TMC3: variants seen among roughly 807,000 people sequenced by gnomAD.
TMC3 encodes transmembrane channel like 3.
In TMC3, 98 loss-of-function variants were observed where a neutral mutation model predicts 110.6. The ratio of observed to expected loss-of-function variants is 0.89; its 90% confidence interval spans 0.75 to 1.05. The LOEUF (loss-of-function observed/expected upper bound fraction) is 1.05. Ranked by LOEUF, TMC3 falls within the 50% of genes least tolerant of loss-of-function variation. TMC3 has a pLI of 0.00. For missense variants in TMC3, 1,319 were observed against 1,373.2 expected, an observed-to-expected ratio of 0.96 and a Z score of 0.62; for synonymous variants, 489 against 513.1, an observed-to-expected ratio of 0.95 and a Z score of 0.63.
chr15:81,364,116 C>T (rs1434435490), intron 3 of TMC3, among the ~76,000 whole-genome samples: 2 of 151,460 alleles, frequency 1.3e-5, no homozygotes, highest in Non-Finnish European at 2.9e-5. Context: ...AATTTTCATA[C>T]ATGCAATGGG....
intron 5 of TMC3, 83 bp downstream of exon 5, chr15:81,359,282 A>G (rs1015633951): frequency 1.4e-5 from 14 of 995,090 alleles, no homozygotes; most frequent in South Asian, 9.3e-5. Context: ...TCATCCCCAC[A>G]ATGATAACCA....
intron 21 of TMC3, 116 bp from the exon 22 acceptor site, chr15:81,333,378 G>A: frequency 7.3e-7 from 1 of 1,360,596 alleles, no homozygotes; most frequent in South Asian, 1.4e-5. Context: ...GGTTCCAACT[G>A]GTTAATGGGT....
chr15:81,352,533 C>T (rs913332174), intron 9 of TMC3, among the ~76,000 whole-genome samples: 1 of 152,298 alleles, frequency 6.6e-6, no homozygotes, highest in African/African-American at 2.4e-5. Flanking sequence ...AATTAAATGA[C>T]TGTTACTGGC....
At position 81,359,426 on chromosome 15, in the gene TMC3, C is replaced by G; in HGVS notation, c.440G>C (p.Trp147Ser). The G allele has an allele frequency of 6.2e-7, 1 of 1,604,940 alleles. No individual in the cohort carries two copies. ...GVASYFIFLR[W>S]LFGINIVLTI... ...GAGCACAATATTAATTCCAAATAAC[C>G]ATCTCAAGAATATGAAATAGGAGGC... The change falls in exon 5 of 22, where the codon TGG becomes TCG. Residue 147 changes from tryptophan (W) to serine (S), a missense_variant. Transcript: ENST00000359440.
chr15:81,343,646 T>C (rs536016988), intron 14 of TMC3, among the ~76,000 whole-genome samples: 40 of 150,790 alleles, frequency 2.7e-4, no homozygotes, highest in African/African-American at 9.3e-4. Flanking sequence ...TAAAACTAGC[T>C]GGGCATGGTG....
At chr15:81,371,137 C>T (rs1457846067) in intron 2 of TMC3, among the ~76,000 whole-genome samples, 1 of 152,182 alleles carries the variant, frequency 6.6e-6, no homozygotes, top group African/African-American at 2.4e-5. Context: ...AGTCTCTTAA[C>T]CTCTCTGAGT....
Position 81,332,881 on chromosome 15 carries a change from C to G in TMC3, c.2841G>C (p.Glu947Asp). 1.2e-6 allele frequency: 2 copies of G among 1,613,330 alleles called. No homozygotes were observed. The highest frequency in any genetic ancestry group is 1.7e-6 in the Non-Finnish European group (2 of 1,179,854). ...GTTTGATCCAATCTCTGCTTGGCGTCTCCTCCTCTTCTTCACTCAGCTGTG... is the reference window on the plus strand; with the variant it reads ...GTTTGATCCAATCTCTGCTTGGCGTGTCCTCCTCTTCTTCACTCAGCTGTG... ...PSPQLSEEEE[E>D]TPSRDWIKRS... Residue 947 changes from glutamate (E) to aspartate (D), a missense_variant, in exon 22 of 22, where the codon GAG becomes GAC. Physicochemically the swap from Glu to Asp is conservative, Grantham distance 45. Coordinates refer to ENST00000359440, the MANE Select transcript of TMC3 (RefSeq NM_001080532.3).
At chr15:81,373,463 G>T (rs552706964) in intron 1 of TMC3, among the ~76,000 whole-genome samples, 14 of 152,218 alleles carry the variant, frequency 9.2e-5, no homozygotes, top group Admixed American at 7.9e-4. Flanking sequence ...AGAAATAAAA[G>T]ATTTCGTTTG....
chr15:81,336,736 T>G (rs1197355902), intron 19 of TMC3, 85 bp from the exon 20 acceptor site: 3 of 1,362,798 alleles, frequency 2.2e-6, no homozygotes, highest in African/African-American at 1.4e-5. Context: ...AGAAAAAGAT[T>G]TACATGCCAT....
At chr15:81,337,541 G>T (rs565921539) in intron 19 of TMC3, 18 of 479,386 alleles carry the variant, frequency 3.8e-5, no homozygotes, top group South Asian at 3.7e-4. Flanking sequence ...GCTCACAAAA[G>T]TACCTGGCAC....
chr15:81,343,448 C>T (rs1483860504), intron 14 of TMC3, 103 bp from the exon 15 acceptor site: 2 of 766,932 alleles, frequency 2.6e-6, no homozygotes, highest in Non-Finnish European at 4.6e-6. Flanking sequence ...CTTATGAACA[C>T]TTAGAGATCA....
At position 81,344,789 on chromosome 15, in the gene TMC3, A is replaced by G; in HGVS notation, c.1495T>C (p.Cys499Arg). 1 of 1,613,938 alleles carries G rather than the reference A, an allele frequency of 6.2e-7. No homozygotes were observed. The highest frequency in any genetic ancestry group is 8.5e-7 in the Non-Finnish European group (1 of 1,179,884). Residue 499 changes from cysteine to arginine, a missense_variant, in exon 13 of 22, where the codon TGC becomes CGC. Coordinates refer to ENST00000359440, the MANE Select transcript of TMC3 (RefSeq NM_001080532.3). ...SLHTQSPQDQ[C>R]WETYVGQEML... ...ACCTGACCAACGTATGTCTCCCAGC[A>G]CTGGTCTTGTGGACTCTGAGTGTGG...
At chr15:81,363,540 A>G (rs1302908673) in intron 3 of TMC3, among the ~76,000 whole-genome samples, 3 of 152,198 alleles carry the variant, frequency 2.0e-5, no homozygotes, top group Non-Finnish European at 4.4e-5. Context: ...GTGTCTGCTG[A>G]GGCCAGAATG....
At chr15:81,352,319 G>A (rs1356721053) in intron 9 of TMC3, among the ~76,000 whole-genome samples, 1 of 152,152 alleles carries the variant, frequency 6.6e-6, no homozygotes, top group Non-Finnish European at 1.5e-5. Context: ...CCGCATAATG[G>A]CATTTTGGTC....
intron 3 of TMC3, among the ~76,000 whole-genome samples, chr15:81,364,905 A>G (rs1894276252): frequency 6.6e-6 from 1 of 150,570 alleles, no homozygotes; most frequent in African/African-American, 2.4e-5. Context: ...TAATGTCACG[A>G]ATTTTTTGAA....
chr15:81,343,259 A>G lies in TMC3; in HGVS notation c.1715+19T>C. The G allele has an allele frequency of 6.4e-7, 1 of 1,564,782 alleles. No individual in the cohort carries two copies. Among genetic ancestry groups the G allele is most frequent in the Non-Finnish European group, 8.8e-7 (1 of 1,135,230 alleles). On this transcript the variant is annotated intron_variant, in intron 15 of 21. Coordinates refer to ENST00000359440, the MANE Select transcript of TMC3 (RefSeq NM_001080532.3). ...CAGATGAGATGTAAGCAAAGGCAAG[A>G]AGAAACTTTGATACCTACCAAATCA...
chr15:81,333,130 G>C lies in TMC3; in HGVS notation c.2592C>G (p.Asn864Lys). ...AGGCCTGTGGTCCACGGTGAGGAGG[G>C]TTGATTTGCTGAAAGTCTTTTCGGA... ...PLFRKDFQQI[N>K]PPHRGPQAST... is the part of the protein sequence containing the mutation. The change falls in exon 22 of 22, where the codon AAC becomes AAG. Residue 864 changes from asparagine (N) to lysine (K), a missense_variant. Coordinates refer to ENST00000359440, the MANE Select transcript of TMC3 (RefSeq NM_001080532.3). 2 of 1,614,046 alleles carry C rather than the reference G, an allele frequency of 1.2e-6. No homozygotes were observed. Among genetic ancestry groups the C allele is most frequent in the Non-Finnish European group, 1.7e-6 (2 of 1,179,894 alleles).
intron 9 of TMC3, 28 bp from the exon 10 acceptor site, chr15:81,351,869 G>T (rs898218771): frequency 6.2e-7 from 1 of 1,609,268 alleles, no homozygotes; most frequent in African/African-American, 1.3e-5. Flanking sequence ...CATGAGAACG[G>T]TACACAGGGT....
At chr15:81,373,697 A>G (rs765512394) in intron 1 of TMC3, among the ~76,000 whole-genome samples, 1 of 152,210 alleles carries the variant, frequency 6.6e-6, no homozygotes, top group Non-Finnish European at 1.5e-5. Context: ...GTGAACATAG[A>G]GAAAACAGGG....
Sources: gnomAD v4.1 joint callset for allele counts (sites outside exome capture counted in the v4.1 genomes callset) on GRCh38, gnomAD v4.1.1 for gene constraint, MANE v1.5 for transcripts, NCBI Gene and HGNC (gene_info 2026-07-23, HGNC 2026-07-21) for gene names.